Variants in MALRD1 observed in about 807,000 individuals in gnomAD.
The protein encoded by MALRD1 is MAM and LDL receptor class A domain containing 1.
In MALRD1, 247 loss-of-function variants were observed where a neutral mutation model predicts 242.1. The ratio of observed to expected loss-of-function variants is 1.02; its 90% CI spans 0.92 to 1.13. The LOEUF (loss-of-function observed/expected upper bound fraction) is 1.13, where lower values mean the gene tolerates loss of function less well. MALRD1 is among the 50% of genes most tolerant of loss of function. The pLI is 0.00. For synonymous variants in MALRD1, 995 were observed against 866.6 expected, an observed-to-expected ratio of 1.15 and a Z score of -2.60; for missense variants, 2,989 against 2,533.1, an observed-to-expected ratio of 1.18 and a Z score of -3.86.
Position 19,352,109 on chromosome 10 carries a change from A to T in MALRD1, c.4253A>T (p.Glu1418Val). 1 of 1,550,570 alleles carries T rather than the reference A, an allele frequency of 6.4e-7. No homozygotes were observed. The highest frequency in any genetic ancestry group is 2.0e-5 in the Admixed American group (1 of 50,994). The change falls in exon 26 of 40, where the codon GAA (glutamate) becomes GTA (valine). Residue 1418 changes from glutamate to valine, a missense_variant. Glu to Val is a moderately radical substitution (Grantham distance 121). Coordinates refer to ENST00000454679, the MANE Select transcript of MALRD1 (RefSeq NM_001142308.3). ...AAGGTTCTACTTAACCTCACTGTAG[A>T]ACAAGGCAATTTCTGGCGGAGAGAA... ...QTKVLLNLTV[E>V]QGNFWRREEL... is the part of the protein sequence containing the mutation.
chr10:19,391,295 G>T (rs190868447), intron 28 of MALRD1, among the ~76,000 whole-genome samples: 91 of 152,198 alleles, frequency 6.0e-4, no homozygotes, highest in African/African-American at 2.1e-3. Flanking sequence ...TGATTGTGAA[G>T]AAATCTCTCA....
At chr10:19,144,338 A>T (rs1833654544) in intron 10 of MALRD1, among the ~76,000 whole-genome samples, 1 of 152,176 alleles carries the variant, frequency 6.6e-6, no homozygotes, top group Admixed American at 6.5e-5. Flanking sequence ...TGCAACAAGG[A>T]ACCCACAGAT....
chr10:19,362,267 T>G (rs2130709730), intron 26 of MALRD1, among the ~76,000 whole-genome samples: 1 of 152,226 alleles, frequency 6.6e-6, no homozygotes, highest in African/African-American at 2.4e-5. Context: ...AAACCACCAT[T>G]TGGTATTCTA....
At position 19,595,178 on chromosome 10, in the gene MALRD1, T is replaced by C. The variant is rs1331971879; in HGVS notation, c.5681-16T>C. On this transcript the variant is annotated splice_polypyrimidine_tract_variant and intron_variant, in intron 33 of 39. Transcript: ENST00000454679. Reference sequence around the variant, plus strand: ...CTCCCTAATGCCAAAATAACTTGACTTGCTCTCTTTTTTAGGTCCTGTCCC... The same window carrying C: ...CTCCCTAATGCCAAAATAACTTGACCTGCTCTCTTTTTTAGGTCCTGTCCC... The C allele has an allele frequency of 3.2e-6, 5 of 1,540,842 alleles. No individual in the cohort carries two copies. Among genetic ancestry groups the C allele is most frequent in the Non-Finnish European group, 4.4e-6 (5 of 1,140,390 alleles).
chr10:19,241,995 T>C (rs1034641653), intron 18 of MALRD1, among the ~76,000 whole-genome samples: 2 of 152,148 alleles, frequency 1.3e-5, no homozygotes, highest in Non-Finnish European at 2.9e-5. Context: ...TCCTAGAGAA[T>C]GTTTGGTGTA....
intron 29 of MALRD1, among the ~76,000 whole-genome samples, chr10:19,468,522 G>A (rs1249400504): frequency 6.6e-6 from 1 of 151,852 alleles, no homozygotes; most frequent in Non-Finnish European, 1.5e-5. Context: ...ATTTTCATGA[G>A]TTGAGTCACT....
chr10:19,274,037 A>G (rs567843533), intron 19 of MALRD1, among the ~76,000 whole-genome samples: 1 of 152,172 alleles, frequency 6.6e-6, no homozygotes, highest in East Asian at 1.9e-4. Context: ...GGGACTGTAA[A>G]GTGGTTTAGC....
intron 26 of MALRD1, among the ~76,000 whole-genome samples, chr10:19,372,187 ATAGT>A (rs1284330613): frequency 6.6e-6 from 1 of 152,206 alleles, no homozygotes; most frequent in African/African-American, 2.4e-5. Flanking sequence ...CAATATTTAT[ATAGT>A]TATAGTAATA....
intron 32 of MALRD1, among the ~76,000 whole-genome samples, chr10:19,546,674 G>T (rs1041222912): frequency 6.6e-6 from 1 of 152,152 alleles, no homozygotes; most frequent in Admixed American, 6.5e-5. Flanking sequence ...TCTTTTACCT[G>T]TAGGTGTTTG....
chr10:19,607,149 G>A (rs1321705579), intron 34 of MALRD1, among the ~76,000 whole-genome samples: 2 of 152,184 alleles, frequency 1.3e-5, no homozygotes, highest in Non-Finnish European at 2.9e-5. Flanking sequence ...ATTGAAGTCA[G>A]ATCAGTGTCT....
chr10:19,497,627 G>A (rs957150777), intron 30 of MALRD1, among the ~76,000 whole-genome samples: 1 of 151,990 alleles, frequency 6.6e-6, no homozygotes, highest in Non-Finnish European at 1.5e-5. Flanking sequence ...GTATGTTAAG[G>A]AAAAGTTGTG....
intron 36 of MALRD1, among the ~76,000 whole-genome samples, chr10:19,649,054 C>T (rs936259605): frequency 5.9e-5 from 9 of 152,142 alleles, no homozygotes; most frequent in African/African-American, 1.9e-4. Context: ...TCCACGATCC[C>T]ACAAAAGATA....
chr10:19,656,723 G>A lies in MALRD1; in HGVS notation c.6138-35559G>A, dbSNP rs963392967. ...CAGCTGTATACCTGCTTTATGAGTG[G>A]TATGATGATTTTAGAGCAGACAACC... On this transcript the variant is annotated intron_variant, in intron 36 of 39. Transcript: ENST00000454679. Among the ~76,000 whole-genome samples the A allele has an allele frequency of 3.3e-5, 5 of 152,052 alleles. No individual in the cohort carries two copies. In the South Asian group the frequency reaches 6.2e-4, roughly 19 times the overall value.
intron 18 of MALRD1, among the ~76,000 whole-genome samples, chr10:19,241,745 T>C (rs568046572): frequency 6.6e-6 from 1 of 152,270 alleles, no homozygotes; most frequent in East Asian, 1.9e-4. Context: ...GGTTTGGGTA[T>C]GTTGGATTTT....
chr10:19,596,846 G>C (rs911612405), intron 34 of MALRD1, among the ~76,000 whole-genome samples: 8 of 151,078 alleles, frequency 5.3e-5, no homozygotes, highest in African/African-American at 1.9e-4. Context: ...GGGGGAAGGA[G>C]GGAGGGACAG....
At chr10:19,502,666 A>C (rs914006344) in intron 31 of MALRD1, among the ~76,000 whole-genome samples, 1 of 152,202 alleles carries the variant, frequency 6.6e-6, no homozygotes, top group African/African-American at 2.4e-5. Context: ...TATTCTGCTA[A>C]GATCTGGACA....
intron 18 of MALRD1, among the ~76,000 whole-genome samples, chr10:19,248,858 C>A (rs1839175862): frequency 6.7e-6 from 1 of 149,440 alleles, no homozygotes; most frequent in South Asian, 2.1e-4. Flanking sequence ...CTGGCCACAA[C>A]TAATAGCTAT....
At chr10:19,462,177 TAA>T (rs1835978281) in intron 29 of MALRD1, among the ~76,000 whole-genome samples, 1 of 152,202 alleles carries the variant, frequency 6.6e-6, no homozygotes, top group African/African-American at 2.4e-5. Context: ...CTAGCAATAG[TAA>T]AGCACTTCCT....
At chr10:19,725,697 A>C (rs1834989522) in intron 38 of MALRD1, among the ~76,000 whole-genome samples, 1 of 152,248 alleles carries the variant, frequency 6.6e-6, no homozygotes, top group Admixed American at 6.5e-5. Context: ...ACAAAAGTAC[A>C]GTAAACAAAA....
Sources: gnomAD v4.1 joint callset for allele counts (sites outside exome capture counted in the v4.1 genomes callset) on GRCh38, gnomAD v4.1.1 for gene constraint, MANE v1.5 for transcripts, NCBI Gene and HGNC (gene_info 2026-07-23, HGNC 2026-07-21) for gene names.